The following ARFGEF1 variants were observed in gnomAD, a reference collection of about 807,000 sequenced individuals.
ARFGEF1 encodes ARF guanine nucleotide exchange factor 1, also known as brefeldin A-inhibited guanine nucleotide-exchange protein 1.
A neutral mutation model predicts 231.0 loss-of-function variants in ARFGEF1; 42 were observed. The ratio of observed to expected loss-of-function variants is 0.18; its 90% CI spans 0.14 to 0.24. The LOEUF (loss-of-function observed/expected upper bound fraction) is 0.24, where lower values mean the gene tolerates loss of function less well. ARFGEF1 is among the 10% of genes least tolerant of loss of function. The pLI, the probability that ARFGEF1 is intolerant of heterozygous loss-of-function variation, is 1.00. For missense variants in ARFGEF1, 1,345 were observed against 2,192.0 expected (o/e 0.61, Z 7.72); for synonymous variants, 710 against 732.3 (o/e 0.97, Z 0.49).
chr8:67,192,079 T>TG (rs1554626061), intron 5 of ARFGEF1, among the ~76,000 whole-genome samples: 1 of 105,802 alleles, frequency 9.5e-6, no homozygotes. Context: ...TTTTTTTTTG[T>TG]TTTTTTTTTT....
chr8:67,223,806 C>T (rs571672936), intron 29 of ARFGEF1, among the ~76,000 whole-genome samples: 4 of 152,062 alleles, frequency 2.6e-5, no homozygotes, highest in South Asian at 2.1e-4. Flanking sequence ...ATATGTCAGC[C>T]GCTCCACTGA....
In ARFGEF1 at chr8:67,188,858, C is replaced by T. The variant is rs138576011; in HGVS notation, c.560+11538G>A. On this transcript the variant is annotated intron_variant, in intron 5 of 5. Coordinates refer to the ARFGEF1 transcript ENST00000518789. The stretch of plus-strand genomic sequence containing the variant: ...GCTGAACACTAGTCACTGGGTTCCA[C>T]GGTTCTCTTCTGTGACCCACGGCTT... Among the ~76,000 whole-genome samples, 279 of 152,302 alleles carry T rather than the reference C, an allele frequency of 1.8e-3. 4 individuals are homozygous for T. Among genetic ancestry groups the T allele is most frequent in the African/African-American group, 6.5e-3 (270 of 41,570 alleles).
chr8:67,238,693 T>C (rs751332138), intron 21 of ARFGEF1, 42 bp downstream of exon 21: 31 of 1,599,048 alleles, frequency 1.9e-5, no homozygotes, highest in Admixed American at 1.0e-4. Flanking sequence ...ATTAGCTCAT[T>C]TTATAAACCA....
intron 10 of ARFGEF1, among the ~76,000 whole-genome samples, chr8:67,270,286 A>C (rs1805024024): frequency 2.6e-5 from 4 of 152,172 alleles, no homozygotes; most frequent in South Asian, 4.1e-4. Context: ...ATATGGCCCA[A>C]ATTAAAAAGC....
In ARFGEF1 at chr8:67,198,858, A is replaced by T; in HGVS notation, c.*76T>A. 1 of 1,560,056 alleles carries T rather than the reference A, an allele frequency of 6.4e-7. No homozygotes were observed. Among genetic ancestry groups the T allele is most frequent in the Non-Finnish European group, 8.6e-7 (1 of 1,160,034 alleles). On this transcript the variant is annotated 3_prime_UTR_variant, in exon 39 of 39. Transcript: ENST00000262215. Reference sequence around the variant, plus strand: ...CTGCAATCCAGAGAAATCATTTTTCAGGTAGGAAACCTCAGCTCCAGCGTC... The same window carrying T: ...CTGCAATCCAGAGAAATCATTTTTCTGGTAGGAAACCTCAGCTCCAGCGTC...
rs554652048 is a variant in ARFGEF1 at position 67,199,569 on chromosome 8, G to T, written c.5386-471C>A. 26 of 158,250 alleles carry T rather than the reference G, an allele frequency of 1.6e-4. No homozygotes were observed. The South Asian group carries it at 3.1e-3, about 19-fold the overall frequency. The allele number at this position is 158,250 out of a possible 1,614,324, so 9.8% of individuals were successfully genotyped here. On this transcript the variant is annotated intron_variant, in intron 38 of 38. Coordinates refer to ENST00000262215, the MANE Select transcript of ARFGEF1 (RefSeq NM_006421.5). ...ACAGTTCAATTGCTATACTTTGGCT[G>T]TATCTTCACAGTAGTTCCTTCATCT...
intron 22 of ARFGEF1, among the ~76,000 whole-genome samples, chr8:67,236,951 T>G (rs1353558034): frequency 6.6e-6 from 1 of 152,216 alleles, no homozygotes; most frequent in Non-Finnish European, 1.5e-5. Flanking sequence ...TATCATTATT[T>G]CTCGTTTGAC....
intron 34 of ARFGEF1, among the ~76,000 whole-genome samples, chr8:67,206,803 C>T (rs1838539377): frequency 6.6e-6 from 1 of 152,236 alleles, no homozygotes; most frequent in Non-Finnish European, 1.5e-5. Flanking sequence ...CCAAAGGGAG[C>T]TGCCTACTAG....
downstream of ARFGEF1, chr8:67,195,440 A>C (rs2129576649): frequency 6.2e-7 from 1 of 1,614,226 alleles, no homozygotes; most frequent in Admixed American, 1.7e-5. Flanking sequence ...GGGATGACGG[A>C]TCAAACTCTG....
At chr8:67,237,987 T>A (rs576077787) in intron 22 of ARFGEF1, among the ~76,000 whole-genome samples, 1 of 152,252 alleles carries the variant, frequency 6.6e-6, no homozygotes, top group Non-Finnish European at 1.5e-5. Context: ...TGGTTAGGCC[T>A]GCTCATTGCT....
intron 1 of ARFGEF1, among the ~76,000 whole-genome samples, chr8:67,335,854 C>A (rs892806767): frequency 2.0e-5 from 3 of 151,700 alleles, no homozygotes; most frequent in Admixed American, 6.6e-5. Flanking sequence ...TCAAGCGATT[C>A]TCCTGCCTCA....
chr8:67,175,194 G>T, downstream of ARFGEF1: 1 of 824,682 alleles, frequency 1.2e-6, no homozygotes, highest in South Asian at 1.7e-5. Context: ...TCATTTCCTT[G>T]ATTTTGAAAT....
intron 5 of ARFGEF1, among the ~76,000 whole-genome samples, chr8:67,178,329 G>T (rs1255679124): frequency 6.6e-6 from 1 of 152,112 alleles, no homozygotes; most frequent in Non-Finnish European, 1.5e-5. Flanking sequence ...CCTGAGGGGG[G>T]TACTTTTTGT....
intron 19 of ARFGEF1, among the ~76,000 whole-genome samples, chr8:67,243,182 C>T (rs996585527): frequency 6.6e-6 from 1 of 152,174 alleles, no homozygotes; most frequent in East Asian, 1.9e-4. Context: ...AGTAACCCAC[C>T]GTTACTGGAC....
At chr8:67,175,478 T>G, downstream of ARFGEF1, 1 of 1,609,164 alleles carries the variant, frequency 6.2e-7, no homozygotes, top group Non-Finnish European at 8.5e-7. Flanking sequence ...ATCAGCACGC[T>G]GTTTTTCCGT....
rs538033297 is a variant in ARFGEF1 at position 67,243,751 on chromosome 8, T to A, written c.2851-3461A>T. Among the ~76,000 whole-genome samples the A allele has an allele frequency of 6.6e-5, 10 of 152,222 alleles. 1 individual carries two copies. The highest frequency in any genetic ancestry group is 4.6e-4 in the Admixed American group (7 of 15,300). ...CAAGACTATCCAGGAAAACACGACCTCACCAAACGAACTAAATACCAGGGA... is the reference window on the plus strand; with the variant it reads ...CAAGACTATCCAGGAAAACACGACCACACCAAACGAACTAAATACCAGGGA... On this transcript the variant is annotated intron_variant, in intron 19 of 38. Transcript: ENST00000262215.
chr8:67,335,906 C>T (rs963851977), intron 1 of ARFGEF1, among the ~76,000 whole-genome samples: 9 of 152,194 alleles, frequency 5.9e-5, no homozygotes, highest in East Asian at 1.9e-4. Context: ...ACTGCCACCA[C>T]GCCCGGCTAA....
At chr8:67,213,178 T>G (rs764090174) in intron 33 of ARFGEF1, among the ~76,000 whole-genome samples, 7 of 152,202 alleles carry the variant, frequency 4.6e-5, no homozygotes, top group South Asian at 4.1e-4. Flanking sequence ...AATCTAAGTT[T>G]TAACCGTTGA....
intron 38 of ARFGEF1, chr8:67,199,821 A>AT (rs927445068): frequency 7.4e-4 from 122 of 165,204 alleles, no homozygotes; most frequent in South Asian, 1.4e-3. Context: ...GTAAGTTGCT[A>AT]TTTTTTTTTC....
Sources: gnomAD v4.1 joint callset for allele counts (sites outside exome capture counted in the v4.1 genomes callset) on GRCh38, gnomAD v4.1.1 for gene constraint, MANE v1.5 for transcripts, NCBI Gene and HGNC (gene_info 2026-07-23, HGNC 2026-07-21) for gene names.